RELN: variants seen among roughly 807,000 people sequenced by gnomAD.
The protein encoded by RELN is reelin.
In RELN, 108 loss-of-function variants were observed where a neutral mutation model predicts 427.6. The observed-to-expected ratio is 0.25, with a 90% CI of 0.22 to 0.30. The LOEUF (loss-of-function observed/expected upper bound fraction) is 0.30, where lower values mean the gene tolerates loss of function less well. Ranked by LOEUF, RELN falls within the 10% of genes least tolerant of loss-of-function variation. The probability of loss-of-function intolerance (pLI) is 1.00; values close to 1 mark genes in which losing one functional copy is unlikely to be tolerated. For synonymous variants in RELN, 1,524 were observed against 1,513.4 expected, an observed-to-expected ratio of 1.01 and a Z score of -0.16; for missense variants, 3,715 against 4,302.8, an observed-to-expected ratio of 0.86 and a Z score of 3.82.
Position 103,620,109 on chromosome 7 carries a change from G to C in RELN, c.2703-8306C>G, listed in dbSNP as rs1479569688. ...CCAGTGGGAGATAACTGAATGATGG[G>C]GATGGGTTCACCCATACTGTTCTCA... On this transcript the variant is annotated intron_variant, in intron 20 of 64. Coordinates refer to ENST00000428762, the MANE Select transcript of RELN (RefSeq NM_005045.4). This position sits in a 1 kb window ranked among gnomAD's most constrained non-coding sequence, Gnocchi z 4.1. 6.6e-6 allele frequency among the ~76,000 whole-genome samples: 1 copy of C among 152,110 alleles called. No homozygotes were observed. Among genetic ancestry groups the C allele is most frequent in the Non-Finnish European group, 1.5e-5 (1 of 68,008 alleles).
chr7:103,940,378 A>G (rs576431871), intron 1 of RELN, among the ~76,000 whole-genome samples: 1 of 152,378 alleles, frequency 6.6e-6, no homozygotes, highest in South Asian at 2.1e-4. Context: ...TTGAATACAT[A>G]CAACAGTTAT....
At chr7:103,937,225 G>A (rs1018713862) in intron 1 of RELN, among the ~76,000 whole-genome samples, 1 of 152,088 alleles carries the variant, frequency 6.6e-6, no homozygotes, top group Non-Finnish European at 1.5e-5. Context: ...AAGAAAACCT[G>A]GTCTCAAATC....
chr7:103,475,362 G>A (rs1827999425), intron 64 of RELN, among the ~76,000 whole-genome samples: 1 of 152,028 alleles, frequency 6.6e-6, no homozygotes, highest in South Asian at 2.1e-4. Flanking sequence ...ATAGCACTGA[G>A]CCTCCTGCCT....
At chr7:103,676,852 A>G (rs1477894011) in intron 11 of RELN, among the ~76,000 whole-genome samples, 2 of 152,138 alleles carry the variant, frequency 1.3e-5, no homozygotes, top group Non-Finnish European at 1.5e-5. Flanking sequence ...GAATACTTGG[A>G]CACAGGGTGG....
intron 1 of RELN, among the ~76,000 whole-genome samples, chr7:103,934,919 C>A (rs181863464): frequency 6.6e-6 from 1 of 152,302 alleles, no homozygotes; most frequent in Non-Finnish European, 1.5e-5. Context: ...CACAGGAGAG[C>A]ACTTTAACCT....
chr7:103,677,922 T>TG (rs1833573601), intron 11 of RELN, among the ~76,000 whole-genome samples: 1 of 152,122 alleles, frequency 6.6e-6, no homozygotes, highest in Non-Finnish European at 1.5e-5. Flanking sequence ...ACATGTGTTC[T>TG]GGGCTATTGT....
chr7:103,494,365 T>TTGTGTGTG (rs58533286), intron 57 of RELN, among the ~76,000 whole-genome samples: 142 of 118,304 alleles, frequency 1.2e-3, no homozygotes, highest in African/African-American at 4.3e-3. Context: ...GTAATGACTT[T>TTGTGTGTG]TGTGTGTGTG....
At chr7:103,770,214 A>T (rs1353002500) in intron 4 of RELN, among the ~76,000 whole-genome samples, 1 of 152,108 alleles carries the variant, frequency 6.6e-6, no homozygotes, top group Non-Finnish European at 1.5e-5. Flanking sequence ...CGTCCTGAAT[A>T]GCTGGGACTA....
intron 11 of RELN, among the ~76,000 whole-genome samples, chr7:103,675,706 C>A (rs184526980): frequency 6.6e-6 from 1 of 152,158 alleles, no homozygotes; most frequent in East Asian, 1.9e-4. Flanking sequence ...ACCAATGGAA[C>A]AGAACAGAGC....
chr7:103,700,545 T>C (rs1405405615), intron 9 of RELN, among the ~76,000 whole-genome samples: 1 of 152,100 alleles, frequency 6.6e-6, no homozygotes, highest in African/African-American at 2.4e-5. Flanking sequence ...GGGATTTAAG[T>C]AGTCATCTGA....
At chr7:103,475,212 T>A (rs889116271) in intron 64 of RELN, among the ~76,000 whole-genome samples, 22 of 149,642 alleles carry the variant, frequency 1.5e-4, no homozygotes, top group Non-Finnish European at 3.1e-4. Context: ...CCTCTATAAG[T>A]GAACTTTTTT....
At chr7:103,815,980 C>A (rs186272371) in intron 3 of RELN, among the ~76,000 whole-genome samples, 1 of 152,210 alleles carries the variant, frequency 6.6e-6, no homozygotes, top group East Asian at 1.9e-4. Flanking sequence ...AACTGTTATA[C>A]GTCAAGTCCT....
intron 1 of RELN, among the ~76,000 whole-genome samples, chr7:103,925,907 C>T (rs1795720795): frequency 6.6e-6 from 1 of 151,968 alleles, no homozygotes; most frequent in South Asian, 2.1e-4. Flanking sequence ...TTTTCTCCCC[C>T]AAAATCATCA....
At chr7:103,762,909 G>A (rs1389211633) in intron 4 of RELN, among the ~76,000 whole-genome samples, 1 of 152,124 alleles carries the variant, frequency 6.6e-6, no homozygotes, top group African/African-American at 2.4e-5. Flanking sequence ...AACGAGGGTA[G>A]AAAAATAATA....
At position 103,989,134 on chromosome 7, in the gene RELN, G is replaced by T. The variant is rs555377051; in HGVS notation, c.223C>A (p.His75Asn). Residue 75 changes from histidine (H) to asparagine (N), a missense_variant, in exon 1 of 65, where the codon CAT becomes AAT. Around this residue, in one of 4 missense-constraint regions of RELN, gnomAD observed 2,208 missense variants for 2,361.7 expected, o/e 0.93. Coordinates refer to ENST00000428762, the MANE Select transcript of RELN (RefSeq NM_005045.4). This position sits in a 1 kb window ranked among gnomAD's most constrained non-coding sequence, Gnocchi z 4.9. Reference protein sequence around the residue: ...PTYYVPGQEYHVTISTSTFFD... With the variant: ...PTYYVPGQEYNVTISTSTFFD... Reference sequence around the variant, plus strand: ...GCGGAGGTGCTGCGGTACCTACCATGGTATTCTTGTCCCGGAACGTAGTAG... The same window carrying T: ...GCGGAGGTGCTGCGGTACCTACCATTGTATTCTTGTCCCGGAACGTAGTAG... 2.5e-5 allele frequency: 40 copies of T among 1,613,688 alleles called. No homozygotes were observed. The East Asian group carries it at 5.4e-4, about 22-fold the overall frequency.
intron 1 of RELN, among the ~76,000 whole-genome samples, chr7:103,930,618 C>T (rs1202933667): frequency 1.3e-5 from 2 of 152,046 alleles, no homozygotes; most frequent in Non-Finnish European, 2.9e-5. Flanking sequence ...GTGCACACCA[C>T]CATGCCCAGC....
At chr7:103,858,189 C>T (rs1169827791) in intron 2 of RELN, among the ~76,000 whole-genome samples, 1 of 152,170 alleles carries the variant, frequency 6.6e-6, no homozygotes, top group Non-Finnish European at 1.5e-5. Context: ...CCTGCCTCTA[C>T]CACTTCCTAG....
intron 2 of RELN, among the ~76,000 whole-genome samples, chr7:103,887,698 G>A (rs1371704021): frequency 6.6e-6 from 1 of 152,014 alleles, no homozygotes; most frequent in Admixed American, 6.6e-5. Context: ...AGAAAAGAAG[G>A]GGATACAAGA....
chr7:103,742,075 A>C (rs905829812), intron 6 of RELN, among the ~76,000 whole-genome samples: 2 of 152,192 alleles, frequency 1.3e-5, no homozygotes, highest in Non-Finnish European at 2.9e-5. Flanking sequence ...AAACTTCCAC[A>C]GGAACGATCA....
Sources: gnomAD v4.1 joint callset for allele counts (sites outside exome capture counted in the v4.1 genomes callset) on GRCh38, gnomAD v4.1.1 for gene constraint, gnomAD v4.1.1 regional missense constraint, Gnocchi (gnomAD v3.1) non-coding constraint, MANE v1.5 for transcripts, NCBI Gene and HGNC (gene_info 2026-07-23, HGNC 2026-07-21) for gene names.